Variants in LATS1 observed in about 807,000 individuals in gnomAD.
The protein encoded by LATS1 is large tumor suppressor kinase 1.
Under a neutral mutation model 106.6 loss-of-function variants are expected in LATS1, and 25 were observed. The observed-to-expected ratio is 0.23, with a 90% confidence interval of 0.17 to 0.33. The LOEUF (loss-of-function observed/expected upper bound fraction) is 0.33, where lower values mean the gene tolerates loss of function less well. Among genes scored for constraint, LATS1 ranks in the 10% least tolerant of loss-of-function variants. LATS1 has a pLI of 1.00. For synonymous variants in LATS1, 465 were observed against 455.6 expected (o/e 1.02, Z -0.26); for missense variants, 1,040 against 1,382.6 (o/e 0.75, Z 3.93).
rs770590232 is a variant in LATS1, at chr6:149,697,159, G to A, written c.349-1938C>T. On this transcript the variant is annotated intron_variant, in intron 2 of 7. Coordinates refer to ENST00000543571, the MANE Select transcript of LATS1 (RefSeq NM_004690.4). The stretch of plus-strand genomic sequence containing the variant: ...AGAAATGGCTTAGTAAGACTAATGG[G>A]TGAACAGGCTACTGACAGATGATCC... The A allele has an allele frequency of 4.5e-6, 6 of 1,343,588 alleles. No individual in the cohort carries two copies. In the South Asian group the frequency reaches 6.8e-5, roughly 15 times the overall value. 83.2% of individuals were successfully genotyped at this position (1,343,588 alleles called of 1,614,324 possible).
chr6:149,710,347 T>TGA (rs1272211782), intron 1 of LATS1, among the ~76,000 whole-genome samples: 1 of 152,164 alleles, frequency 6.6e-6, no homozygotes, highest in African/African-American at 2.4e-5. Context: ...CCTATGTGGT[T>TGA]GATTTGGGAA....
intron 1 of LATS1, among the ~76,000 whole-genome samples, chr6:149,714,640 T>G (rs2185352): frequency 0.45 from 68,466 of 151,704 alleles, 16,558 homozygotes; most frequent in East Asian, 0.81. Flanking sequence ...TAAGCAAAAA[T>G]GAAAGGCAAG....
chr6:149,678,300 C>T (rs1326247561), intron 5 of LATS1, among the ~76,000 whole-genome samples: 2 of 151,256 alleles, frequency 1.3e-5, no homozygotes, highest in South Asian at 2.1e-4. Flanking sequence ...GCCGAGATTG[C>T]GCCACTGCAC....
At chr6:149,663,961 C>T (rs532419391) in intron 7 of LATS1, among the ~76,000 whole-genome samples, 1 of 152,008 alleles carries the variant, frequency 6.6e-6, no homozygotes, top group South Asian at 2.1e-4. Context: ...GTGCCCGCCA[C>T]CTCGCACAGC....
At chr6:149,671,164 G>A (rs1016243855) in intron 7 of LATS1, among the ~76,000 whole-genome samples, 6 of 151,594 alleles carry the variant, frequency 4.0e-5, no homozygotes, top group Admixed American at 2.0e-4. Context: ...ACAGAGTCTC[G>A]CTCTGTCATC....
intron 1 of LATS1, among the ~76,000 whole-genome samples, chr6:149,713,997 T>G (rs537466268): frequency 4.0e-5 from 6 of 151,820 alleles, no homozygotes; most frequent in East Asian, 3.9e-4. Context: ...TTTTTTTTTT[T>G]TGTGAGACTG....
At chr6:149,704,140 A>AT (rs1405875870) in intron 1 of LATS1, among the ~76,000 whole-genome samples, 1 of 152,110 alleles carries the variant, frequency 6.6e-6, no homozygotes, top group Non-Finnish European at 1.5e-5. Flanking sequence ...AATAGCTGGG[A>AT]TTACAGGCAT....
intron 3 of LATS1, among the ~76,000 whole-genome samples, chr6:149,687,866 CCCT>C (rs891314319): frequency 2.0e-5 from 3 of 151,150 alleles, no homozygotes; most frequent in Non-Finnish European, 3.0e-5. Context: ...CCGTACTTGA[CCCT>C]CCTCTTTTTT....
chr6:149,707,424 T>C (rs1302528593), intron 1 of LATS1, among the ~76,000 whole-genome samples: 1 of 152,158 alleles, frequency 6.6e-6, no homozygotes, highest in East Asian at 1.9e-4. Context: ...GAGGATCACT[T>C]GAGGCAAGGA....
rs1782989524 is a variant in LATS1 at position 149,695,228 on chromosome 6, T to C, written c.349-7A>G. On this transcript the variant is annotated splice_region_variant and splice_polypyrimidine_tract_variant and intron_variant, in intron 2 of 7. Transcript: ENST00000543571. ...GAGCTTGTATAACCATATCCTGATA[T>C]GAATTGAAGTTTAAAAAAAAAGAAA... The C allele has an allele frequency of 6.4e-7, 1 of 1,554,742 alleles. No individual in the cohort carries two copies. Among genetic ancestry groups the C allele is most frequent in the African/African-American group, 1.4e-5 (1 of 72,238 alleles).
intron 1 of LATS1, among the ~76,000 whole-genome samples, chr6:149,712,542 G>T (rs890896957): frequency 2.0e-5 from 3 of 151,338 alleles, no homozygotes; most frequent in Non-Finnish European, 4.4e-5. Context: ...TAGAGATGAG[G>T]GTCTCGCTAT....
In LATS1 at chr6:149,659,107, A is replaced by C. The variant is rs1288578746; in HGVS notation, c.*2622T>G. 1.3e-5 allele frequency: 2 copies of C among 159,558 alleles called. No individual in the cohort carries two copies. Among genetic ancestry groups the C allele is most frequent in the East Asian group, 3.0e-4 (2 of 6,614 alleles). The allele number at this position is 159,558 out of a possible 1,614,324, so 9.9% of individuals were successfully genotyped here. ...TATCCAAACTGTTAAAATTGCTGAT[A>C]CCAAAGGCATGTATACTGCTTCAGA... On this transcript the variant is annotated 3_prime_UTR_variant, in exon 8 of 8. Transcript: ENST00000543571.
rs1406468655 is a variant in LATS1, at chr6:149,659,069, T to C, written c.*2660A>G. The C allele has an allele frequency of 1.9e-5, 3 of 154,564 alleles. No individual in the cohort carries two copies. The highest frequency in any genetic ancestry group is 7.2e-5 in the African/African-American group (3 of 41,516). 9.6% of individuals were successfully genotyped at this position (154,564 alleles called of 1,614,324 possible). A position where few individuals can be genotyped will look rare whatever the true frequency, so the allele number is the denominator to read the frequency against. On this transcript the variant is annotated 3_prime_UTR_variant, in exon 8 of 8. Coordinates refer to ENST00000543571, the MANE Select transcript of LATS1 (RefSeq NM_004690.4). ...AAGTAGATGTAGTTTTGGAATAAGA[T>C]AGCTGATAAGTATATCCAAACTGTT...
In LATS1 at chr6:149,680,461, G is replaced by A. The variant is rs1366679313; in HGVS notation, c.2011-4C>T. 2 of 1,568,476 alleles carry A rather than the reference G, an allele frequency of 1.3e-6. No individual in the cohort carries two copies. The highest frequency in any genetic ancestry group is 8.7e-7 in the Non-Finnish European group (1 of 1,154,580). On this transcript the variant is annotated splice_polypyrimidine_tract_variant and splice_region_variant and intron_variant, in intron 4 of 7. Transcript: ENST00000543571. ...GGGCATCTTGAGATAATCCAACCTAGGCAAATAAACTAGATGTTAAATAAG... is the reference window on the plus strand; with the variant it reads ...GGGCATCTTGAGATAATCCAACCTAAGCAAATAAACTAGATGTTAAATAAG...
chr6:149,698,955 G>T (rs1783279555), intron 2 of LATS1, among the ~76,000 whole-genome samples: 1 of 151,758 alleles, frequency 6.6e-6, no homozygotes, highest in African/African-American at 2.4e-5. Flanking sequence ...TGTATTATGT[G>T]CTCCAAGAAT....
intron 7 of LATS1, among the ~76,000 whole-genome samples, chr6:149,673,727 G>A (rs1781563284): frequency 6.7e-6 from 1 of 150,316 alleles, no homozygotes; most frequent in South Asian, 2.1e-4. Context: ...AGGCTGGAGT[G>A]CAATGGCGCG....
chr6:149,684,325 G>A lies in LATS1; in HGVS notation c.764C>T (p.Thr255Ile), dbSNP rs1377176985. ...TGGAGTTGTACCTCTTGGAGGGGGA[G>A]TCTGGCCTCTTGGAGGTGGTGGAGG... is the stretch of plus-strand genomic sequence containing the variant. ...VTPPPPPRGQTPPPRGTTPPP... is the reference protein window; with the variant it reads ...VTPPPPPRGQIPPPRGTTPPP... Residue 255 changes from threonine (T) to isoleucine (I), a missense_variant, in exon 4 of 8, where the codon ACT (threonine) becomes ATT (isoleucine). This residue lies in a region of LATS1 where 624 missense variants were observed against 714.8 expected (regional missense o/e 0.87). Transcript: ENST00000543571. 1 of 1,613,970 alleles carries A rather than the reference G, an allele frequency of 6.2e-7. No homozygotes were observed.
At chr6:149,673,913 G>C (rs1402034032) in intron 7 of LATS1, among the ~76,000 whole-genome samples, 1 of 151,416 alleles carries the variant, frequency 6.6e-6, no homozygotes, top group Non-Finnish European at 1.5e-5. Flanking sequence ...GACTTCAGGT[G>C]ATCCACCCGC....
rs140443255 is a variant in LATS1, at chr6:149,661,516, C to T, written c.*213G>A. On this transcript the variant is annotated 3_prime_UTR_variant, in exon 8 of 8. Coordinates refer to ENST00000543571, the MANE Select transcript of LATS1 (RefSeq NM_004690.4). The stretch of plus-strand genomic sequence containing the variant: ...TAATATTCAGTTCATAATTTACTTT[C>T]CTTATAACAATTTTTTTCTAAATAC... The T allele has an allele frequency of 8.8e-5, 39 of 440,902 alleles. No homozygotes were observed. Among genetic ancestry groups the T allele is most frequent in the African/African-American group, 6.3e-4 (31 of 49,456 alleles). The allele number at this position is 440,902 out of a possible 1,614,324, so 27.3% of individuals were successfully genotyped here.
Sources: gnomAD v4.1 joint callset for allele counts (sites outside exome capture counted in the v4.1 genomes callset) on GRCh38, gnomAD v4.1.1 for gene constraint, gnomAD v4.1.1 regional missense constraint, MANE v1.5 for transcripts, NCBI Gene and HGNC (gene_info 2026-07-23, HGNC 2026-07-21) for gene names.